MYO1H: variants seen among roughly 807,000 people sequenced by gnomAD.
MYO1H encodes unconventional myosin-Ih.
MYO1H carries 118 observed loss-of-function variants against 149.3 expected under a neutral mutation model. The ratio of observed to expected loss-of-function variants is 0.79; its 90% confidence interval spans 0.68 to 0.92. MYO1H has a LOEUF of 0.92. Ranked by LOEUF, MYO1H falls within the 40% of genes least tolerant of loss-of-function variation. The pLI, the probability that MYO1H is intolerant of heterozygous loss-of-function variation, is 0.00. For missense variants in MYO1H, 1,212 were observed against 1,280.7 expected, an observed-to-expected ratio of 0.95 and a Z score of 0.82; for synonymous variants, 447 against 465.2, an observed-to-expected ratio of 0.96 and a Z score of 0.50.
At chr12:109,425,601 G>C (rs1345792662) in intron 17 of MYO1H, among the ~76,000 whole-genome samples, 1 of 152,184 alleles carries the variant, frequency 6.6e-6, no homozygotes, top group Non-Finnish European at 1.5e-5. Flanking sequence ...CCAGCATCAT[G>C]AAGGACACGT....
intron 19 of MYO1H, among the ~76,000 whole-genome samples, chr12:109,427,898 A>T (rs1871424151): frequency 5.3e-5 from 4 of 74,998 alleles, no homozygotes; most frequent in African/African-American, 1.8e-4. Context: ...AAAAAAAAAA[A>T]AAAAAAAAAA....
chr12:109,356,289 G>A (rs570428709), intron 1 of MYO1H, among the ~76,000 whole-genome samples: 2 of 152,136 alleles, frequency 1.3e-5, no homozygotes, highest in Non-Finnish European at 2.9e-5. Flanking sequence ...GTGTTTGCAA[G>A]GCTCCCAGAC....
intron 15 of MYO1H, among the ~76,000 whole-genome samples, chr12:109,415,873 T>C (rs1870879920): frequency 6.6e-6 from 1 of 152,178 alleles, no homozygotes; most frequent in Admixed American, 6.5e-5. Context: ...TTAGTATTAA[T>C]ATATTCAGAG....
chr12:109,388,649 G>T (rs929936888), intron 1 of MYO1H, 34 bp from the exon 2 acceptor site: 5 of 1,508,616 alleles, frequency 3.3e-6, no homozygotes, highest in Non-Finnish European at 4.5e-6. Flanking sequence ...TTACCAAATA[G>T]ATGAGCTGCT....
At chr12:109,423,274 T>C (rs536545420) in intron 16 of MYO1H, among the ~76,000 whole-genome samples, 1 of 151,584 alleles carries the variant, frequency 6.6e-6, no homozygotes, top group Non-Finnish European at 1.5e-5. Flanking sequence ...TTCTCCTGCC[T>C]CAGCCTCCCG....
rs771334177 is a variant in MYO1H at position 109,416,378 on chromosome 12, G to GTTT, written c.1597+758_1597+759insTTT. 6.8e-3 allele frequency among the ~76,000 whole-genome samples: 921 copies of GTTT among 135,370 alleles called. 11 individuals carry two copies. The highest frequency in any genetic ancestry group is 0.013 in the Admixed American group (171 of 12,892). 88.8% of individuals were successfully genotyped at this position (135,370 alleles called of 152,430 possible). A position where few individuals can be genotyped will look rare whatever the true frequency, so the allele number is the denominator to read the frequency against. On this transcript the variant is annotated intron_variant, in intron 15 of 31. Coordinates refer to ENST00000310903, the Ensembl canonical transcript of MYO1H. ...CTCTATAGATTTGACTGTTGTTGTT[G>GTTT]GTTTTTTTTTTTTTGACATTTTTTA...
At chr12:109,410,864 A>T in intron 13 of MYO1H, 96 bp downstream of exon 13, 1 of 829,018 alleles carries the variant, frequency 1.2e-6, no homozygotes, top group Non-Finnish European at 1.9e-6. Context: ...GAGCCAGGCC[A>T]GGCACGGTGG....
chr12:109,368,927 G>A (rs1185095718), intron 1 of MYO1H, among the ~76,000 whole-genome samples: 1 of 151,936 alleles, frequency 6.6e-6, no homozygotes, highest in African/African-American at 2.4e-5. Flanking sequence ...TTCTCTTCCT[G>A]CATTAATTAA....
At chr12:109,423,899 A>G (rs1177048830) in intron 16 of MYO1H, among the ~76,000 whole-genome samples, 3 of 152,146 alleles carry the variant, frequency 2.0e-5, no homozygotes, top group Non-Finnish European at 4.4e-5. Context: ...ACTTTTGGTG[A>G]TATAGATTAT....
chr12:109,374,059 C>T (rs1250357727), intron 1 of MYO1H, among the ~76,000 whole-genome samples: 1 of 152,230 alleles, frequency 6.6e-6, no homozygotes, highest in South Asian at 2.1e-4. Context: ...TACATATACT[C>T]TTATGTGACT....
chr12:109,399,521 G>A (rs146605904), intron 5 of MYO1H, among the ~76,000 whole-genome samples: 11,854 of 150,902 alleles, frequency 0.079, 550 homozygotes, highest in African/African-American at 0.11. Context: ...GAACTTGGGA[G>A]GCAGAGGTTG....
chr12:109,383,733 G>T (rs768903018), intron 1 of MYO1H, among the ~76,000 whole-genome samples: 1 of 152,224 alleles, frequency 6.6e-6, no homozygotes, highest in Admixed American at 6.5e-5. Flanking sequence ...AAGGGAGTTT[G>T]TAAATGTGGG....
At chr12:109,381,781 G>A (rs976394597) in intron 1 of MYO1H, among the ~76,000 whole-genome samples, 2 of 152,046 alleles carry the variant, frequency 1.3e-5, no homozygotes, top group South Asian at 2.1e-4. Flanking sequence ...AGTCAATATC[G>A]CACCACTGCA....
intron 1 of MYO1H, among the ~76,000 whole-genome samples, chr12:109,370,445 C>T (rs1474977563): frequency 6.6e-6 from 1 of 152,200 alleles, no homozygotes; most frequent in African/African-American, 2.4e-5. Context: ...TGATCCCTTC[C>T]ACAGCCTCCC....
At chr12:109,327,022 A>G in the MYO1H span, among the ~76,000 whole-genome samples, 1 of 151,854 alleles carries the variant, frequency 6.6e-6, no homozygotes, top group Non-Finnish European at 1.5e-5. Context: ...AGAGTTTAAA[A>G]TTTTGCTCAT....
chr12:109,386,558 CA>C (rs1432862327), intron 1 of MYO1H, among the ~76,000 whole-genome samples: 1 of 152,176 alleles, frequency 6.6e-6, no homozygotes, highest in Non-Finnish European at 1.5e-5. Flanking sequence ...GGTGGTATCT[CA>C]TTGTGGTTTT....
chr12:109,365,448 A>G (rs1347382649), intron 1 of MYO1H, among the ~76,000 whole-genome samples: 1 of 152,198 alleles, frequency 6.6e-6, no homozygotes, highest in African/African-American at 2.4e-5. Flanking sequence ...ATTTAGCATT[A>G]TGGCTTCGGG....
At chr12:109,404,926 T>G (rs559904481) in intron 7 of MYO1H, among the ~76,000 whole-genome samples, 1 of 151,986 alleles carries the variant, frequency 6.6e-6, no homozygotes, top group African/African-American at 2.4e-5. Context: ...CAGCTGTATT[T>G]GAAGCCAGGT....
intron 10 of MYO1H, 68 bp downstream of exon 10, chr12:109,407,981 T>C (rs1473548617): frequency 3.7e-6 from 6 of 1,605,122 alleles, no homozygotes; most frequent in Non-Finnish European, 5.1e-6. Flanking sequence ...ATCGTTTCTT[T>C]AAAGAATTTG....
Sources: allele counts gnomAD v4.1 joint callset (sites outside exome capture counted in the v4.1 genomes callset), GRCh38; gene constraint gnomAD v4.1.1; transcripts MANE v1.5; gene names NCBI Gene and HGNC (gene_info 2026-07-23, HGNC 2026-07-21).